EYS: variants seen among roughly 807,000 people sequenced by gnomAD.
EYS encodes protein eyes shut homolog.
EYS carries 250 observed loss-of-function variants against 282.1 expected under a neutral mutation model. That is an observed-to-expected ratio of 0.89 (90% CI 0.80 to 0.98). The LOEUF (loss-of-function observed/expected upper bound fraction) is 0.98. Ranked by LOEUF, EYS falls within the 50% of genes least tolerant of loss-of-function variation. The probability of loss-of-function intolerance (pLI) is 0.00; values close to 1 mark genes in which losing one functional copy is unlikely to be tolerated. For missense variants in EYS, 4,016 were observed against 3,709.0 expected (o/e 1.08, Z -2.15); for synonymous variants, 1,355 against 1,282.9 (o/e 1.06, Z -1.20).
At position 63,934,332 on chromosome 6, in the gene EYS, T is replaced by A. The variant is rs570502482; in HGVS notation, c.7055+50051A>T. On this transcript the variant is annotated intron_variant, in intron 35 of 42. Coordinates refer to ENST00000503581, the MANE Select transcript of EYS (RefSeq NM_001142800.2). ...TAAACTAGTTCAACCATTGTGGAAGTCAGTGTGGCGATTCCTCAGGGATCT... is the reference window on the plus strand; with the variant it reads ...TAAACTAGTTCAACCATTGTGGAAGACAGTGTGGCGATTCCTCAGGGATCT... Among the ~76,000 whole-genome samples the A allele has an allele frequency of 3.7e-3, 570 of 152,184 alleles. 4 individuals carry two copies. Among genetic ancestry groups the A allele is most frequent in the African/African-American group, 0.013 (533 of 41,476 alleles).
chr6:64,020,377 T>G (rs995988269), intron 33 of EYS, among the ~76,000 whole-genome samples: 3 of 152,190 alleles, frequency 2.0e-5, no homozygotes, highest in African/African-American at 7.2e-5. Context: ...TTTAAAAATG[T>G]TGATGAAATG....
intron 41 of EYS, among the ~76,000 whole-genome samples, chr6:63,740,032 A>G (rs1163964176): frequency 1.3e-5 from 2 of 152,078 alleles, no homozygotes; most frequent in African/African-American, 2.4e-5. Flanking sequence ...AGCACTTAAG[A>G]TTACATGAAA....
At chr6:64,073,095 C>T (rs1771648525) in intron 32 of EYS, among the ~76,000 whole-genome samples, 1 of 151,730 alleles carries the variant, frequency 6.6e-6, no homozygotes, top group Admixed American at 6.6e-5. Flanking sequence ...CTTTATTGTA[C>T]AGTATAAAAT....
intron 12 of EYS, among the ~76,000 whole-genome samples, chr6:65,107,368 T>A (rs1775070352): frequency 6.7e-6 from 1 of 148,266 alleles, no homozygotes; most frequent in African/African-American, 2.6e-5. Flanking sequence ...TTTGCCCACC[T>A]TTGATATTAA....
intron 36 of EYS, among the ~76,000 whole-genome samples, chr6:63,849,009 G>T (rs140830279): frequency 3.1e-4 from 47 of 152,296 alleles, no homozygotes; most frequent in Middle Eastern, 6.8e-3. Context: ...GAGGAGGGTT[G>T]TTCACCATTA....
chr6:64,954,040 C>T (rs984641219), intron 14 of EYS, among the ~76,000 whole-genome samples: 2 of 151,578 alleles, frequency 1.3e-5, no homozygotes, highest in African/African-American at 2.4e-5. Context: ...ATTTTAGTGC[C>T]TAATATTCCA....
At chr6:64,877,801 C>G (rs1301281138) in intron 19 of EYS, among the ~76,000 whole-genome samples, 2 of 152,074 alleles carry the variant, frequency 1.3e-5, no homozygotes, top group African/African-American at 4.8e-5. Flanking sequence ...AGTAGTTTAA[C>G]ACTTTTTACA....
chr6:65,214,350 T>G (rs927078005), intron 12 of EYS, among the ~76,000 whole-genome samples: 12 of 152,238 alleles, frequency 7.9e-5, no homozygotes, highest in African/African-American at 2.9e-4. Context: ...TGGAGAAAGT[T>G]TTTAACAGTC....
intron 36 of EYS, among the ~76,000 whole-genome samples, chr6:63,849,723 C>A (rs918031045): frequency 2.0e-5 from 3 of 152,134 alleles, no homozygotes; most frequent in Non-Finnish European, 4.4e-5. Flanking sequence ...TGAGGAAAAA[C>A]CAGTGCAAAA....
chr6:65,698,045 T>C (rs530575300), intron 1 of EYS, among the ~76,000 whole-genome samples: 195 of 152,186 alleles, frequency 1.3e-3, no homozygotes, highest in Non-Finnish European at 2.6e-3. Flanking sequence ...AATATTTATG[T>C]GTGTCAGGGT....
intron 31 of EYS, among the ~76,000 whole-genome samples, chr6:64,196,378 G>C (rs1455519285): frequency 1.3e-5 from 2 of 152,188 alleles, no homozygotes; most frequent in Non-Finnish European, 2.9e-5. Context: ...ATTTGACCCA[G>C]CCATCCCATT....
At chr6:65,333,866 A>C (rs1475549564) in intron 11 of EYS, among the ~76,000 whole-genome samples, 1 of 150,858 alleles carries the variant, frequency 6.6e-6, no homozygotes, top group African/African-American at 2.4e-5. Flanking sequence ...TTTTTCCCTG[A>C]TGTTAGTATA....
intron 2 of EYS, among the ~76,000 whole-genome samples, chr6:65,543,591 T>C (rs1330674148): frequency 6.6e-6 from 1 of 151,822 alleles, no homozygotes; most frequent in African/African-American, 2.4e-5. Flanking sequence ...CCAGGTGTTT[T>C]CAAGATTTTG....
intron 12 of EYS, among the ~76,000 whole-genome samples, chr6:65,148,689 A>C (rs1361427293): frequency 6.6e-6 from 1 of 152,060 alleles, no homozygotes; most frequent in East Asian, 1.9e-4. Flanking sequence ...CTCTGAACCC[A>C]CATTTCCCTT....
chr6:64,124,278 T>C (rs1773688361), intron 31 of EYS, among the ~76,000 whole-genome samples: 1 of 151,084 alleles, frequency 6.6e-6, no homozygotes, highest in Admixed American at 6.6e-5. Flanking sequence ...AGATTCTTCT[T>C]ACTCTCTCTG....
intron 19 of EYS, among the ~76,000 whole-genome samples, chr6:64,873,086 A>G (rs887435684): frequency 6.6e-6 from 1 of 152,088 alleles, no homozygotes; most frequent in Admixed American, 6.6e-5. Context: ...ATAAAGACAC[A>G]TCTGAGAATG....
intron 12 of EYS, among the ~76,000 whole-genome samples, chr6:65,089,147 C>A (rs1774474927): frequency 6.6e-6 from 1 of 152,148 alleles, no homozygotes; most frequent in African/African-American, 2.4e-5. Flanking sequence ...GGATTGGAAC[C>A]CCCACACAGA....
chr6:65,690,430 T>C (rs961872489), intron 1 of EYS, among the ~76,000 whole-genome samples: 10 of 149,500 alleles, frequency 6.7e-5, no homozygotes, highest in African/African-American at 2.4e-4. Context: ...TCCACAAGGG[T>C]CGCATTCCAT....
chr6:64,728,956 C>T (rs1205545634), intron 22 of EYS: 1 of 152,290 alleles, frequency 6.6e-6, no homozygotes, highest in Non-Finnish European at 1.5e-5. Context: ...AGTCCTTGGC[C>T]AGACTCCTCT....
Sources: gnomAD v4.1 joint callset for allele counts (sites outside exome capture counted in the v4.1 genomes callset) on GRCh38, gnomAD v4.1.1 for gene constraint, MANE v1.5 for transcripts, NCBI Gene and HGNC (gene_info 2026-07-23, HGNC 2026-07-21) for gene names.